KIF13B: variants seen among roughly 807,000 people sequenced by gnomAD.
KIF13B encodes kinesin family member 13B, also known as kinesin-like protein KIF13B.
In KIF13B, 127 loss-of-function variants were observed where a neutral mutation model predicts 222.0. The ratio of observed to expected loss-of-function variants is 0.57; its 90% CI spans 0.50 to 0.66. KIF13B has a LOEUF of 0.66. Ranked by LOEUF, KIF13B falls within the 30% of genes least tolerant of loss-of-function variation. The pLI, the probability that KIF13B is intolerant of heterozygous loss-of-function variation, is 0.00. For synonymous variants in KIF13B, 976 were observed against 919.0 expected, an observed-to-expected ratio of 1.06 and a Z score of -1.12; for missense variants, 2,173 against 2,379.0, an observed-to-expected ratio of 0.91 and a Z score of 1.80.
intron 2 of KIF13B, among the ~76,000 whole-genome samples, chr8:29,225,427 C>T (rs925681142): frequency 3.3e-5 from 5 of 152,140 alleles, no homozygotes; most frequent in Admixed American, 6.5e-5. Context: ...TGCAAGATTG[C>T]GCTGATGCTT....
chr8:29,131,510 A>G (rs1810343196), intron 23 of KIF13B, among the ~76,000 whole-genome samples: 2 of 152,194 alleles, frequency 1.3e-5, no homozygotes, highest in Admixed American at 6.5e-5. Context: ...AACTATCCAA[A>G]TGCAAAAAAG....
At chr8:29,074,322 T>C (rs1807453435) in intron 38 of KIF13B, among the ~76,000 whole-genome samples, 1 of 152,178 alleles carries the variant, frequency 6.6e-6, no homozygotes, top group South Asian at 2.1e-4. Context: ...AGGCAGGCAC[T>C]GGGGGCAGAG....
At chr8:29,204,031 C>T (rs1157976882) in intron 2 of KIF13B, among the ~76,000 whole-genome samples, 1 of 152,142 alleles carries the variant, frequency 6.6e-6, no homozygotes, top group Non-Finnish European at 1.5e-5. Context: ...TAGACATCTC[C>T]TGTGTCCAAT....
intron 37 of KIF13B, among the ~76,000 whole-genome samples, chr8:29,085,702 CTTCTTT>C (rs1417757414): frequency 4.7e-5 from 4 of 85,938 alleles, no homozygotes; most frequent in Admixed American, 1.4e-4. Flanking sequence ...CAGAAATACT[CTTCTTT>C]TTTTTTTTTT....
At chr8:29,123,247 C>A in intron 28 of KIF13B, 119 bp downstream of exon 28, 1 of 1,129,022 alleles carries the variant, frequency 8.9e-7, no homozygotes, top group South Asian at 1.7e-5. Context: ...TTAATTTAAA[C>A]AACATTTCCC....
intron 11 of KIF13B, 132 bp from the exon 12 acceptor site, chr8:29,165,904 T>TTTGATTGTAGATCGAAGTACC (rs1554610880): frequency 2.8e-5 from 16 of 567,972 alleles, no homozygotes; most frequent in Admixed American, 2.0e-4. Flanking sequence ...TGACATCTAC[T>TTTGATTGTAGATCGAAGTACC]TCGATTGTAG....
At position 29,223,154 on chromosome 8, in the gene KIF13B, CAAAAAAATACAAAAAAA is replaced by C. The variant is rs1814835255; in HGVS notation, c.149+22175_149+22191del. Among the ~76,000 whole-genome samples the C allele has an allele frequency of 3.8e-5, 3 of 78,268 alleles. No individual in the cohort carries two copies. The Admixed American group carries it at 4.5e-4, about 12-fold the overall frequency. The allele number at this position is 78,268 out of a possible 152,430, so 51.3% of individuals were successfully genotyped here. A position where few individuals can be genotyped will look rare whatever the true frequency, so the allele number is the denominator to read the frequency against. On this transcript the variant is annotated intron_variant, in intron 2 of 39. Transcript: ENST00000524189. ...ACAACATGGCAAAACCTCCTCTCTA[CAAAAAAATACAAAAAAA>C]AAAAAAACAAAAAAAAAAACTTAGC...
rs1203242454 is a variant in KIF13B at position 29,180,120 on chromosome 8, T to C, written c.704A>G (p.Tyr235Cys). 4 of 1,613,950 alleles carry C rather than the reference T, an allele frequency of 2.5e-6. No homozygotes were observed. The African/African-American group carries it at 4.0e-5, about 16-fold the overall frequency. Residue 235 changes from tyrosine (Y) to cysteine (C), a missense_variant, in exon 8 of 40, where the codon TAC becomes TGC. Physicochemically the swap from Tyr to Cys is radical, Grantham distance 194. This residue lies in a region of KIF13B where 1,480 missense variants were observed against 1,722.8 expected (regional missense o/e 0.86). Coordinates refer to ENST00000524189, the MANE Select transcript of KIF13B (RefSeq NM_015254.4). Reference sequence around the variant, plus strand: ...AACACCTACCCCAGACTTCACATCGTAGAGAGTATGTGTGAGGGTGATTTT... The same window carrying C: ...AACACCTACCCCAGACTTCACATCGCAGAGAGTATGTGTGAGGGTGATTTT... Reference protein sequence around the residue: ...VFKITLTHTLYDVKSGTSGEK... With the variant: ...VFKITLTHTLCDVKSGTSGEK...
chr8:29,102,852 T>C (rs990769379), intron 35 of KIF13B, among the ~76,000 whole-genome samples: 4 of 152,206 alleles, frequency 2.6e-5, no homozygotes, highest in African/African-American at 9.7e-5. Context: ...TTGACTAATC[T>C]TAATTTCCTC....
rs1275721543 is a variant in KIF13B at position 29,072,144 on chromosome 8, G to A, written c.4694C>T (p.Ser1565Phe). ...DGPPSPLSEA[S>F]SGYFSHSVST... ...GACGCTGTGGGAGAAGTACCCGCTAGAGGCTTCACTCAGGGGGCTGGGGGG... is the reference window on the plus strand; with the variant it reads ...GACGCTGTGGGAGAAGTACCCGCTAAAGGCTTCACTCAGGGGGCTGGGGGG... The change falls in exon 39 of 40, where the codon TCT (serine) becomes TTT (phenylalanine). Residue 1565 changes from serine to phenylalanine, a missense_variant. Coordinates refer to ENST00000524189, the MANE Select transcript of KIF13B (RefSeq NM_015254.4). 7.1e-7 allele frequency: 1 copy of A among 1,407,470 alleles called. No homozygotes were observed. The highest frequency in any genetic ancestry group is 1.5e-5 in the African/African-American group (1 of 66,804). 87.2% of individuals were successfully genotyped at this position (1,407,470 alleles called of 1,614,324 possible).
chr8:29,130,590 A>G lies in KIF13B; in HGVS notation c.3018T>C (p.Pro1006=), dbSNP rs761324095. 5 of 1,613,634 alleles carry G rather than the reference A, an allele frequency of 3.1e-6. No homozygotes were observed. The African/African-American group carries it at 5.3e-5, about 17-fold the overall frequency. ...CATCCTTTGCAGAAATCACTTCTAC[A>G]GGGCAGTATTCACCATTCTCATTCT... is the stretch of plus-strand genomic sequence containing the variant. The part of the protein sequence containing the change: ...LEQNENGEYC[P]VEVISAKDVP... Residue 1006 remains proline, a synonymous_variant, in exon 24 of 40, where the codon CCT becomes CCC. Transcript: ENST00000524189.
chr8:29,141,332 TA>T (rs76105853), intron 19 of KIF13B, among the ~76,000 whole-genome samples: 508 of 140,422 alleles, frequency 3.6e-3, no homozygotes, highest in Non-Finnish European at 3.4e-3. Flanking sequence ...AGACTCCATC[TA>T]AAAAAAAAAA....
At chr8:29,093,022 A>G in intron 36 of KIF13B, 144 bp from the exon 37 acceptor site, 1 of 760,354 alleles carries the variant, frequency 1.3e-6, no homozygotes, top group Non-Finnish European at 2.0e-6. Context: ...ACACAGTATT[A>G]TTGTAGTTTA....
intron 1 of KIF13B, among the ~76,000 whole-genome samples, chr8:29,251,740 T>A (rs752368132): frequency 3.9e-5 from 6 of 152,224 alleles, no homozygotes; most frequent in Non-Finnish European, 8.8e-5. Flanking sequence ...TACTGAACTG[T>A]GCACTTCAAA....
intron 3 of KIF13B, among the ~76,000 whole-genome samples, chr8:29,193,841 G>A (rs1283212238): frequency 6.6e-6 from 1 of 152,018 alleles, no homozygotes; most frequent in African/African-American, 2.4e-5. Context: ...TTTTTGAGAC[G>A]GAGTCTCGCT....
intron 35 of KIF13B, among the ~76,000 whole-genome samples, chr8:29,107,577 T>G (rs1809136966): frequency 6.6e-6 from 1 of 151,442 alleles, no homozygotes; most frequent in Admixed American, 6.6e-5. Flanking sequence ...TTTTTTTTTT[T>G]TTGAGACAGA....
Position 29,119,489 on chromosome 8 carries a change from G to A in KIF13B, c.3536-497C>T, listed in dbSNP as rs373464083. On this transcript the variant is annotated intron_variant, in intron 29 of 39. Transcript: ENST00000524189. ...CCCCACTCCCCTTCACCTGGAGCTC[G>A]TGGGCAGACATCCAAAGTTCCTTTT... Among the ~76,000 whole-genome samples, 92 of 152,280 alleles carry A rather than the reference G, an allele frequency of 6.0e-4. 1 individual carries two copies. The highest frequency in any genetic ancestry group is 2.1e-3 in the African/African-American group (88 of 41,550).
At chr8:29,081,822 G>A (rs1807828329) in intron 37 of KIF13B, among the ~76,000 whole-genome samples, 1 of 152,200 alleles carries the variant, frequency 6.6e-6, no homozygotes, top group African/African-American at 2.4e-5. Context: ...AATTCCTGGT[G>A]TGGTGCCAGG....
intron 2 of KIF13B, among the ~76,000 whole-genome samples, chr8:29,231,086 C>T (rs1439585576): frequency 6.6e-6 from 1 of 151,928 alleles, no homozygotes; most frequent in Non-Finnish European, 1.5e-5. Context: ...CACCATGTTG[C>T]CAAGGCTGTT....
Sources: gnomAD v4.1 joint callset for allele counts (sites outside exome capture counted in the v4.1 genomes callset) on GRCh38, gnomAD v4.1.1 for gene constraint, gnomAD v4.1.1 regional missense constraint, MANE v1.5 for transcripts, NCBI Gene and HGNC (gene_info 2026-07-23, HGNC 2026-07-21) for gene names.